The following KCND2 variants were observed in gnomAD, a reference collection of about 807,000 sequenced individuals.
KCND2 encodes the protein A-type voltage-gated potassium channel KCND2.
KCND2 carries 16 observed loss-of-function variants against 54.4 expected under a neutral mutation model. The observed-to-expected ratio is 0.29, with a 90% confidence interval of 0.20 to 0.45. KCND2 has a LOEUF of 0.45. KCND2 is among the 20% of genes least tolerant of loss of function. The pLI, the probability that KCND2 is intolerant of heterozygous loss-of-function variation, is 1.00. For missense variants in KCND2, 486 were observed against 824.2 expected (o/e 0.59, Z 5.02); for synonymous variants, 317 against 310.7 (o/e 1.02, Z -0.21).
intron 1 of KCND2, among the ~76,000 whole-genome samples, chr7:120,334,478 A>G (rs1181156142): frequency 6.6e-6 from 1 of 152,200 alleles, no homozygotes; most frequent in East Asian, 1.9e-4. Flanking sequence ...ATATGTCCTT[A>G]CTAGAGTTGA....
intron 1 of KCND2, among the ~76,000 whole-genome samples, chr7:120,464,965 T>G (rs1007079721): frequency 6.6e-6 from 1 of 152,176 alleles, no homozygotes; most frequent in Non-Finnish European, 1.5e-5. Context: ...TATTTTAAGG[T>G]CAACTGGCTG....
At chr7:120,492,691 T>C (rs1420902573) in intron 1 of KCND2, among the ~76,000 whole-genome samples, 2 of 151,990 alleles carry the variant, frequency 1.3e-5, no homozygotes, top group Non-Finnish European at 2.9e-5. Flanking sequence ...TTCCTATAAA[T>C]CCATCATAAA....
Position 120,314,647 on chromosome 7 carries a change from G to A in KCND2, c.1115+38900G>A, listed in dbSNP as rs530031616. Among the ~76,000 whole-genome samples, 196 of 152,164 alleles carry A rather than the reference G, an allele frequency of 1.3e-3. 1 individual carries two copies. The highest frequency in any genetic ancestry group is 4.2e-3 in the Admixed American group (64 of 15,272). On this transcript the variant is annotated intron_variant, in intron 1 of 5. Coordinates refer to ENST00000331113, the MANE Select transcript of KCND2 (RefSeq NM_012281.3). ...ATATGTCAGGGCCCGTATAAGCGAT[G>A]GATCTGTATACAACATAAAGGTTGC...
At chr7:120,324,619 G>A (rs1799945834) in intron 1 of KCND2, among the ~76,000 whole-genome samples, 1 of 149,218 alleles carries the variant, frequency 6.7e-6, no homozygotes, top group East Asian at 2.0e-4. Context: ...TAGATAAGCG[G>A]TGTTATTTCT....
intron 1 of KCND2, among the ~76,000 whole-genome samples, chr7:120,492,275 T>G (rs1042458293): frequency 3.9e-5 from 6 of 152,144 alleles, no homozygotes; most frequent in Admixed American, 3.9e-4. Context: ...TTAAGGTAGG[T>G]GAATTTCTTG....
At chr7:120,353,598 G>A (rs1800448248) in intron 1 of KCND2, among the ~76,000 whole-genome samples, 2 of 152,002 alleles carry the variant, frequency 1.3e-5, no homozygotes, top group African/African-American at 4.8e-5. Flanking sequence ...ACCAAGAATC[G>A]GTTAAGATTC....
intron 1 of KCND2, among the ~76,000 whole-genome samples, chr7:120,660,663 TG>T (rs1237364518): frequency 1.3e-5 from 2 of 152,220 alleles, no homozygotes; most frequent in African/African-American, 4.8e-5. Context: ...AAAGTATCAA[TG>T]GGATTAGTAT....
intron 1 of KCND2, among the ~76,000 whole-genome samples, chr7:120,340,458 G>A (rs552587961): frequency 2.6e-5 from 4 of 152,174 alleles, no homozygotes; most frequent in Non-Finnish European, 5.9e-5. Context: ...TTTGTAGGGG[G>A]CAAAGGAAAC....
At chr7:120,532,009 C>CTGA (rs1170085968) in intron 1 of KCND2, among the ~76,000 whole-genome samples, 5 of 151,982 alleles carry the variant, frequency 3.3e-5, no homozygotes, top group Admixed American at 2.6e-4. Flanking sequence ...TTTCACTGAG[C>CTGA]TGATCATTGA....
intron 1 of KCND2, among the ~76,000 whole-genome samples, chr7:120,515,260 TGG>T (rs1370746829): frequency 6.6e-6 from 1 of 152,108 alleles, no homozygotes; most frequent in African/African-American, 2.4e-5. Flanking sequence ...TATTCCTTCA[TGG>T]CTCAGTGGAA....
At chr7:120,366,234 C>T (rs1800676233) in intron 1 of KCND2, among the ~76,000 whole-genome samples, 1 of 152,018 alleles carries the variant, frequency 6.6e-6, no homozygotes, top group Non-Finnish European at 1.5e-5. Context: ...CCTGTAACAC[C>T]AGCACTTTGG....
chr7:120,418,310 A>G (rs73433858), intron 1 of KCND2, among the ~76,000 whole-genome samples: 2,025 of 152,326 alleles, frequency 0.013, 44 homozygotes, highest in African/African-American at 0.043. Context: ...CTGTGATTCC[A>G]CAAGACAGAG....
intron 1 of KCND2, among the ~76,000 whole-genome samples, chr7:120,370,532 T>C (rs535320710): frequency 1.9e-4 from 29 of 152,040 alleles, no homozygotes; most frequent in Non-Finnish European, 3.8e-4. Flanking sequence ...ATAACATTCA[T>C]AGCAAATAAT....
At chr7:120,314,971 GCATGCACAGCACACA>G (rs1025273484) in intron 1 of KCND2, among the ~76,000 whole-genome samples, 1 of 151,572 alleles carries the variant, frequency 6.6e-6, no homozygotes, top group Non-Finnish European at 1.5e-5. Flanking sequence ...TTAAAAGAAA[GCATGCACAGCACACA>G]CATGCACACA....
chr7:120,438,814 C>T (rs371318755), intron 1 of KCND2, among the ~76,000 whole-genome samples: 1 of 152,154 alleles, frequency 6.6e-6, no homozygotes, highest in South Asian at 2.1e-4. Flanking sequence ...TTCAACCTGA[C>T]CCAGCTTGTT....
rs141285144 is a variant in KCND2 at position 120,695,665 on chromosome 7, A to G, written c.1116-37238A>G. 4.4e-3 allele frequency among the ~76,000 whole-genome samples: 672 copies of G among 152,346 alleles called. 5 individuals are homozygous for G. Among genetic ancestry groups the G allele is most frequent in the African/African-American group, 0.015 (641 of 41,584 alleles). On this transcript the variant is annotated intron_variant, in intron 1 of 5. Coordinates refer to ENST00000331113, the MANE Select transcript of KCND2 (RefSeq NM_012281.3). ...TTAATAAATACATTTGTTGATTATG[A>G]TGATGGTGATGATGATGACAGCGGA...
intron 1 of KCND2, among the ~76,000 whole-genome samples, chr7:120,657,370 G>T: frequency 6.6e-6 from 1 of 152,092 alleles, no homozygotes; most frequent in African/African-American, 2.4e-5. Flanking sequence ...TATCTATATA[G>T]ATATATATCA....
chr7:120,661,507 AG>A (rs1264803611), intron 1 of KCND2, among the ~76,000 whole-genome samples: 1 of 152,012 alleles, frequency 6.6e-6, no homozygotes, highest in Non-Finnish European at 1.5e-5. Context: ...AAAATTAGCC[AG>A]GCATGGTGAT....
chr7:120,578,820 G>A (rs1792473275), intron 1 of KCND2, among the ~76,000 whole-genome samples: 1 of 151,970 alleles, frequency 6.6e-6, no homozygotes, highest in Non-Finnish European at 1.5e-5. Flanking sequence ...AGTGAAGATT[G>A]CACCATTGCA....
Sources: allele counts gnomAD v4.1 joint callset (sites outside exome capture counted in the v4.1 genomes callset), GRCh38; gene constraint gnomAD v4.1.1; transcripts MANE v1.5; gene names NCBI Gene and HGNC (gene_info 2026-07-23, HGNC 2026-07-21).